The following PRKG1 variants were observed in gnomAD, a reference collection of about 807,000 sequenced individuals.
PRKG1 encodes the protein cGMP-dependent protein kinase 1.
In PRKG1, 35 loss-of-function variants were observed where a neutral mutation model predicts 88.1. The ratio of observed to expected loss-of-function variants is 0.40; its 90% CI spans 0.30 to 0.53. The LOEUF (loss-of-function observed/expected upper bound fraction) is 0.53. Ranked by LOEUF, PRKG1 falls within the 20% of genes least tolerant of loss-of-function variation. PRKG1 has a pLI of 0.59. For synonymous variants in PRKG1, 303 were observed against 292.5 expected (o/e 1.04, Z -0.37); for missense variants, 540 against 839.8 (o/e 0.64, Z 4.41).
chr10:51,239,297 C>T lies in PRKG1; in HGVS notation c.478+85967C>T, dbSNP rs147492192. 1.6e-4 allele frequency among the ~76,000 whole-genome samples: 25 copies of T among 152,112 alleles called. No individual in the cohort carries two copies. In the East Asian group the frequency reaches 4.4e-3, roughly 27 times the overall value. On this transcript the variant is annotated intron_variant, in intron 2 of 17. Coordinates refer to ENST00000373980, the MANE Select transcript of PRKG1 (RefSeq NM_006258.4). ...CAATGCAGGAAAAGGCCAGATTTCA[C>T]GATATTATTTTTTCTAAGAAAGTAA... is the stretch of plus-strand genomic sequence containing the variant.
intron 2 of PRKG1, among the ~76,000 whole-genome samples, chr10:51,280,051 T>C (rs1365273458): frequency 6.6e-6 from 1 of 152,182 alleles, no homozygotes; most frequent in Non-Finnish European, 1.5e-5. Flanking sequence ...CTTCAGGAGC[T>C]CTTGTAGGGC....
chr10:51,602,776 GTGTGTATA>G (rs796511134), intron 3 of PRKG1, among the ~76,000 whole-genome samples: 5,086 of 71,454 alleles, frequency 0.071, 369 homozygotes, highest in African/African-American at 0.23. Flanking sequence ...GTGTGTGTGT[GTGTGTATA>G]TATTCATATA....
intron 9 of PRKG1, among the ~76,000 whole-genome samples, chr10:52,183,442 C>A (rs1009936463): frequency 5.9e-5 from 9 of 152,206 alleles, no homozygotes; most frequent in African/African-American, 2.2e-4. Flanking sequence ...AGGGCCACAG[C>A]ATTTTGGCTG....
chr10:51,577,707 A>G (rs1467499720), intron 3 of PRKG1, among the ~76,000 whole-genome samples: 1 of 151,926 alleles, frequency 6.6e-6, no homozygotes, highest in East Asian at 1.9e-4. Flanking sequence ...AGCATTCAAA[A>G]CCTGAAACAG....
At chr10:51,127,484 A>G (rs1406425596) in intron 1 of PRKG1, among the ~76,000 whole-genome samples, 7 of 152,226 alleles carry the variant, frequency 4.6e-5, no homozygotes, top group Admixed American at 4.6e-4. Context: ...CTGTGGAGAA[A>G]TAGGAACACT....
intron 3 of PRKG1, among the ~76,000 whole-genome samples, chr10:51,701,763 G>A (rs930286046): frequency 2.6e-5 from 4 of 152,158 alleles, no homozygotes; most frequent in Non-Finnish European, 5.9e-5. Context: ...TGGTAATGGG[G>A]TATTATAATA....
chr10:51,964,746 A>G (rs1843527973), intron 5 of PRKG1, among the ~76,000 whole-genome samples: 1 of 152,178 alleles, frequency 6.6e-6, no homozygotes, highest in South Asian at 2.1e-4. Context: ...ATTAAATTTA[A>G]AAAAGTAAAA....
chr10:51,650,737 G>A (rs7922112), intron 3 of PRKG1, among the ~76,000 whole-genome samples: 72,139 of 151,930 alleles, frequency 0.47, 18,714 homozygotes, highest in East Asian at 0.72. Flanking sequence ...ATTGATTCCT[G>A]TTGTCTTTCC....
At chr10:51,420,726 G>T (rs1838387141) in intron 2 of PRKG1, among the ~76,000 whole-genome samples, 1 of 152,196 alleles carries the variant, frequency 6.6e-6, no homozygotes, top group Non-Finnish European at 1.5e-5. Context: ...AGAAATACCT[G>T]AGACTGGGTA....
At chr10:52,243,182 A>T (rs1301513556) in intron 9 of PRKG1, among the ~76,000 whole-genome samples, 4 of 152,194 alleles carry the variant, frequency 2.6e-5, no homozygotes, top group African/African-American at 9.6e-5. Context: ...TGTAGGCAAG[A>T]ACACGTAAGT....
chr10:52,187,756 C>T (rs1477768800), intron 9 of PRKG1, among the ~76,000 whole-genome samples: 2 of 152,190 alleles, frequency 1.3e-5, no homozygotes, highest in Non-Finnish European at 2.9e-5. Context: ...ATGAGCCAAA[C>T]ACTGGTCAAT....
chr10:51,321,563 A>G (rs866936627), intron 2 of PRKG1, among the ~76,000 whole-genome samples: 1 of 152,268 alleles, frequency 6.6e-6, no homozygotes. Context: ...ACTAAAAATT[A>G]AAAGCAGTTG....
At chr10:52,184,127 A>C (rs955779) in intron 9 of PRKG1, among the ~76,000 whole-genome samples, 65,901 of 152,036 alleles carry the variant, frequency 0.43, 14,847 homozygotes, top group African/African-American at 0.57. Context: ...CCCCTTCGTC[A>C]ATCTATATTA....
chr10:51,516,619 T>C (rs1157574715), intron 3 of PRKG1, among the ~76,000 whole-genome samples: 1 of 152,008 alleles, frequency 6.6e-6, no homozygotes, highest in Non-Finnish European at 1.5e-5. Context: ...GAAGGATAAA[T>C]AAGAAGGAAA....
Position 52,296,510 on chromosome 10 carries a change from G to T in PRKG1, c.*2610G>T, listed in dbSNP as rs936858197. The stretch of plus-strand genomic sequence containing the variant: ...AATCTTGTCTTAATGAAGACTCTAG[G>T]GCTAAAATTCATGGTCAGTTCCATA... On this transcript the variant is annotated 3_prime_UTR_variant, in exon 18 of 18. Coordinates refer to ENST00000373980, the MANE Select transcript of PRKG1 (RefSeq NM_006258.4). 2.6e-5 allele frequency: 4 copies of T among 151,890 alleles called. No individual in the cohort carries two copies. Among genetic ancestry groups the T allele is most frequent in the Non-Finnish European group, 5.9e-5 (4 of 67,916 alleles). The allele number at this position is 151,890 out of a possible 1,614,324, so 9.4% of individuals were successfully genotyped here.
chr10:51,193,417 A>G (rs1837681059), intron 2 of PRKG1, among the ~76,000 whole-genome samples: 1 of 151,944 alleles, frequency 6.6e-6, no homozygotes, highest in East Asian at 1.9e-4. Context: ...GATTGTTATT[A>G]TATATATAAT....
rs79602183 is a variant in PRKG1, at chr10:52,251,478, G to A, written c.1077-92G>A. On this transcript the variant is annotated intron_variant, in intron 9 of 17. Coordinates refer to ENST00000373980, the MANE Select transcript of PRKG1 (RefSeq NM_006258.4). Reference sequence around the variant, plus strand: ...GATGGAATGTAAGCAGGTAAACCCTGTTCCACAGTCATGTCATTCTGGTAC... The same window carrying A: ...GATGGAATGTAAGCAGGTAAACCCTATTCCACAGTCATGTCATTCTGGTAC... The A allele has an allele frequency of 2.0e-3, 2,016 of 986,826 alleles. 49 individuals are homozygous for A. The East Asian group carries it at 0.04, about 20-fold the overall frequency. 61.1% of individuals were successfully genotyped at this position (986,826 alleles called of 1,614,324 possible).
intron 2 of PRKG1, among the ~76,000 whole-genome samples, chr10:51,451,665 A>G (rs1223459751): frequency 3.9e-5 from 6 of 152,040 alleles, no homozygotes; most frequent in African/African-American, 1.4e-4. Context: ...ATAGTTTGAT[A>G]GCAGAGAATC....
chr10:51,119,442 C>T (rs1411136699), intron 1 of PRKG1, among the ~76,000 whole-genome samples: 1 of 151,892 alleles, frequency 6.6e-6, no homozygotes, highest in Non-Finnish European at 1.5e-5. Flanking sequence ...ATCAAAAATA[C>T]ACATTTTAGA....
Sources: gnomAD v4.1 joint callset for allele counts (sites outside exome capture counted in the v4.1 genomes callset) on GRCh38, gnomAD v4.1.1 for gene constraint, MANE v1.5 for transcripts, NCBI Gene and HGNC (gene_info 2026-07-23, HGNC 2026-07-21) for gene names.